RANBP2: variants seen among roughly 807,000 people sequenced by gnomAD.
RANBP2 encodes the protein RAN binding protein 2, also known as E3 SUMO-protein ligase RanBP2.
In RANBP2, 57 loss-of-function variants were observed where a neutral mutation model predicts 303.6. The ratio of observed to expected loss-of-function variants is 0.19; its 90% CI spans 0.15 to 0.23. The LOEUF (loss-of-function observed/expected upper bound fraction) is 0.23, where lower values mean the gene tolerates loss of function less well. Ranked by LOEUF, RANBP2 falls within the 10% of genes least tolerant of loss-of-function variation. RANBP2 has a pLI of 1.00. For synonymous variants in RANBP2, 1,167 were observed against 1,301.5 expected, an observed-to-expected ratio of 0.90 and a Z score of 2.23; for missense variants, 3,138 against 3,780.8, an observed-to-expected ratio of 0.83 and a Z score of 4.46.
At chr2:109,020,662 C>T in the RANBP2 span, among the ~76,000 whole-genome samples, 6,337 of 152,222 alleles carry the variant, frequency 0.042, 207 homozygotes, top group Non-Finnish European at 0.064. Flanking sequence ...GTGACAACAC[C>T]AGGAGGTCAG....
At chr2:109,011,383 G>T in the RANBP2 span, among the ~76,000 whole-genome samples, 23 of 152,152 alleles carry the variant, frequency 1.5e-4, no homozygotes, top group Non-Finnish European at 2.9e-4. Flanking sequence ...AAGATTTCTA[G>T]CCTTCAGTGT....
the RANBP2 span, among the ~76,000 whole-genome samples, chr2:109,222,167 A>G: frequency 1.3e-5 from 2 of 150,342 alleles, no homozygotes; most frequent in Non-Finnish European, 2.9e-5. Flanking sequence ...AAGACAGAGT[A>G]GAGTGCCAGA....
the RANBP2 span, among the ~76,000 whole-genome samples, chr2:109,237,779 C>T: frequency 6.6e-6 from 1 of 152,050 alleles, no homozygotes; most frequent in Non-Finnish European, 1.5e-5. Flanking sequence ...AGAAAATCAT[C>T]CTGAAAACAA....
the RANBP2 span, among the ~76,000 whole-genome samples, chr2:109,698,480 C>CATAA: frequency 6.7e-6 from 1 of 149,910 alleles, no homozygotes; most frequent in Non-Finnish European, 1.5e-5. Flanking sequence ...AAAAAAAATA[C>CATAA]ATAAATAAAT....
the RANBP2 span, among the ~76,000 whole-genome samples, chr2:109,740,697 T>A: frequency 1.3e-5 from 2 of 150,766 alleles, no homozygotes; most frequent in Non-Finnish European, 3.0e-5. Context: ...GAAAAAAGAA[T>A]AAAGACACAA....
the RANBP2 span, among the ~76,000 whole-genome samples, chr2:109,676,621 T>A: frequency 5.9e-5 from 9 of 151,918 alleles, no homozygotes; most frequent in Non-Finnish European, 1.3e-4. Context: ...GAAGGAGGGG[T>A]TGTGCACTGC....
the RANBP2 span, among the ~76,000 whole-genome samples, chr2:109,177,170 C>T: frequency 6.6e-6 from 1 of 152,188 alleles, no homozygotes; most frequent in Non-Finnish European, 1.5e-5. Flanking sequence ...ACACACTCAG[C>T]CCAGAGTCAG....
chr2:109,484,608 T>C, the RANBP2 span, among the ~76,000 whole-genome samples: 2 of 152,208 alleles, frequency 1.3e-5, no homozygotes, highest in Non-Finnish European at 2.9e-5. Flanking sequence ...CCCTGGTCCA[T>C]CATATCTAGT....
At chr2:109,354,581 C>G in the RANBP2 span, among the ~76,000 whole-genome samples, 1 of 152,226 alleles carries the variant, frequency 6.6e-6, no homozygotes, top group African/African-American at 2.4e-5. Context: ...TTTCAGTGAT[C>G]GTGGCATTTC....
chr2:109,650,854 A>T, the RANBP2 span, among the ~76,000 whole-genome samples: 1 of 152,108 alleles, frequency 6.6e-6, no homozygotes, highest in Non-Finnish European at 1.5e-5. Context: ...TTTCTTTATA[A>T]ATTACCCGGT....
the RANBP2 span, among the ~76,000 whole-genome samples, chr2:108,865,360 A>G: frequency 6.6e-6 from 1 of 152,154 alleles, no homozygotes; most frequent in Non-Finnish European, 1.5e-5. Flanking sequence ...AGTGATTTCA[A>G]ATTCTGTCAG....
At chr2:109,265,101 A>T in the RANBP2 span, among the ~76,000 whole-genome samples, 1 of 151,714 alleles carries the variant, frequency 6.6e-6, no homozygotes, top group Non-Finnish European at 1.5e-5. Flanking sequence ...GACTTTGCCC[A>T]CTTGAGGCGT....
chr2:109,616,400 G>A, the RANBP2 span: 1 of 195,232 alleles, frequency 5.1e-6, no homozygotes, highest in Non-Finnish European at 1.1e-5. Context: ...ATTCCTGGAT[G>A]CCTGCAAAGT....
At chr2:109,125,047 A>T in the RANBP2 span, among the ~76,000 whole-genome samples, 2 of 152,276 alleles carry the variant, frequency 1.3e-5, no homozygotes, top group Non-Finnish European at 2.9e-5. Flanking sequence ...GATCAACAGC[A>T]AGGCCAGGAA....
the RANBP2 span, among the ~76,000 whole-genome samples, chr2:109,173,064 T>C: frequency 6.6e-6 from 1 of 152,358 alleles, no homozygotes; most frequent in Non-Finnish European, 1.5e-5. Flanking sequence ...GGGAAAATTT[T>C]ACTTTCTTCT....
chr2:109,344,395 A>G, the RANBP2 span, among the ~76,000 whole-genome samples: 6 of 152,192 alleles, frequency 3.9e-5, no homozygotes, highest in Non-Finnish European at 8.8e-5. Context: ...AAAGCCCTGC[A>G]TGTTCCAGGT....
chr2:109,207,123 T>C, the RANBP2 span, among the ~76,000 whole-genome samples: 1 of 152,158 alleles, frequency 6.6e-6, no homozygotes, highest in East Asian at 1.9e-4. Flanking sequence ...GTGTGTGCTG[T>C]AGAGGATGAT....
At chr2:109,449,199 C>T in the RANBP2 span, 26 of 1,613,504 alleles carry the variant, frequency 1.6e-5, no homozygotes, top group Middle Eastern at 1.6e-4. Flanking sequence ...GGCTCAGGAC[C>T]GGCCAACTGC....
the RANBP2 span, among the ~76,000 whole-genome samples, chr2:109,485,510 T>G: frequency 2.6e-5 from 4 of 152,232 alleles, no homozygotes; most frequent in Non-Finnish European, 4.4e-5. Flanking sequence ...AATGTTCTAC[T>G]AAACAGTTAA....
Sources: gnomAD v4.1 joint callset for allele counts (sites outside exome capture counted in the v4.1 genomes callset) on GRCh38, gnomAD v4.1.1 for gene constraint, MANE v1.5 for transcripts, NCBI Gene and HGNC (gene_info 2026-07-23, HGNC 2026-07-21) for gene names.